CD247: variants seen among roughly 807,000 people sequenced by gnomAD.
The protein encoded by CD247 is T-cell surface glycoprotein CD3 zeta chain.
In CD247, 13 loss-of-function variants were observed where a neutral mutation model predicts 30.0. The ratio of observed to expected loss-of-function variants is 0.43; its 90% CI spans 0.28 to 0.69. The LOEUF is 0.69. Ranked by LOEUF, CD247 falls within the 30% of genes least tolerant of loss-of-function variation. The pLI, the probability that CD247 is intolerant of heterozygous loss-of-function variation, is 0.16. For synonymous variants in CD247, 72 were observed against 80.0 expected (o/e 0.90, Z 0.53); for missense variants, 193 against 212.6 (o/e 0.91, Z 0.57).
chr1:167,482,165 A>G (rs1254658790), intron 1 of CD247, among the ~76,000 whole-genome samples: 1 of 152,190 alleles, frequency 6.6e-6, no homozygotes, highest in Non-Finnish European at 1.5e-5. Context: ...ATGAACCCAC[A>G]GTAGGTTCAG....
intron 1 of CD247, among the ~76,000 whole-genome samples, chr1:167,515,004 C>G (rs35703593): frequency 0.049 from 7,454 of 152,234 alleles, 258 homozygotes; most frequent in Middle Eastern, 0.13. Flanking sequence ...GGTTATTCAC[C>G]TAAGCCAGAG....
At chr1:167,473,545 A>G (rs1055192433) in intron 1 of CD247, among the ~76,000 whole-genome samples, 31 of 152,126 alleles carry the variant, frequency 2.0e-4, no homozygotes, top group Non-Finnish European at 1.8e-4. Context: ...CCATTAGAAA[A>G]AAAAATGGGA....
At chr1:167,491,522 A>G (rs890897412) in intron 1 of CD247, among the ~76,000 whole-genome samples, 16 of 151,654 alleles carry the variant, frequency 1.1e-4, no homozygotes, top group Admixed American at 1.3e-4. Flanking sequence ...AGCCAAGATC[A>G]TGCCATTGCA....
chr1:167,513,280 A>G (rs1404850560), intron 1 of CD247, among the ~76,000 whole-genome samples: 1 of 151,912 alleles, frequency 6.6e-6, no homozygotes, highest in African/African-American at 2.4e-5. Context: ...TTTGATTATG[A>G]TATGACTTAT....
rs1332788751 is a variant in CD247 at position 167,431,537 on chromosome 1, C to T, written c.*144G>A. On this transcript the variant is annotated 3_prime_UTR_variant, in exon 8 of 8. Transcript: ENST00000362089. ...ACAGTCTGTGTGTGAAGGTTTGGAGCTAAATATAACCAAAGCATCCTGTAC... is the reference window on the plus strand; with the variant it reads ...ACAGTCTGTGTGTGAAGGTTTGGAGTTAAATATAACCAAAGCATCCTGTAC... The T allele has an allele frequency of 1.3e-6, 1 of 788,982 alleles. No homozygotes were observed. The highest frequency in any genetic ancestry group is 2.3e-6 in the Non-Finnish European group (1 of 437,224). The allele number at this position is 788,982 out of a possible 1,614,324, so 48.9% of individuals were successfully genotyped here.
At chr1:167,456,432 G>T (rs1353290692) in intron 1 of CD247, among the ~76,000 whole-genome samples, 1 of 152,192 alleles carries the variant, frequency 6.6e-6, no homozygotes, top group Non-Finnish European at 1.5e-5. Flanking sequence ...CAGATGCAGA[G>T]AATTTTGGAA....
chr1:167,474,987 G>A (rs2102054816), intron 1 of CD247, among the ~76,000 whole-genome samples: 1 of 151,774 alleles, frequency 6.6e-6, no homozygotes, highest in South Asian at 2.1e-4. Flanking sequence ...CCTGACCTCA[G>A]GTGATCCACC....
At chr1:167,490,200 T>C (rs1327473214) in intron 1 of CD247, among the ~76,000 whole-genome samples, 2 of 152,230 alleles carry the variant, frequency 1.3e-5, no homozygotes, top group Non-Finnish European at 2.9e-5. Flanking sequence ...TGGCCTCACA[T>C]TTCCAAAAGC....
chr1:167,510,514 C>A (rs553627888), intron 1 of CD247, among the ~76,000 whole-genome samples: 3 of 152,220 alleles, frequency 2.0e-5, no homozygotes, highest in Non-Finnish European at 4.4e-5. Flanking sequence ...CTGCAGCAGG[C>A]AGCTCAGGCC....
At chr1:167,452,211 G>A (rs533483469) in intron 1 of CD247, among the ~76,000 whole-genome samples, 39 of 150,984 alleles carry the variant, frequency 2.6e-4, no homozygotes, top group Non-Finnish European at 4.4e-4. Flanking sequence ...GGCAACAAGA[G>A]CGAAACTCCA....
At chr1:167,453,045 A>C (rs2102013592) in intron 1 of CD247, among the ~76,000 whole-genome samples, 1 of 148,320 alleles carries the variant, frequency 6.7e-6, no homozygotes, top group East Asian at 1.9e-4. Flanking sequence ...TTATATATAT[A>C]TATATTATAG....
intron 4 of CD247, 118 bp from the exon 5 acceptor site, chr1:167,435,552 C>G: frequency 3.6e-6 from 3 of 823,598 alleles, no homozygotes; most frequent in Non-Finnish European, 6.3e-6. Context: ...CCGTCTGCCT[C>G]TCTCCTCCCT....
At chr1:167,518,150 C>G (rs1027618718) in intron 1 of CD247, among the ~76,000 whole-genome samples, 4 of 152,172 alleles carry the variant, frequency 2.6e-5, no homozygotes, top group Admixed American at 6.5e-5. Flanking sequence ...TCCTTCCTCT[C>G]TTATCACTCG....
chr1:167,448,584 A>C, intron 1 of CD247: 5 of 948,278 alleles, frequency 5.3e-6, no homozygotes, highest in Non-Finnish European at 6.3e-6. Context: ...GAGATACCTC[A>C]ATCACCCTGA....
At chr1:167,507,222 ATTT>A (rs766016142) in intron 1 of CD247, among the ~76,000 whole-genome samples, 1 of 145,072 alleles carries the variant, frequency 6.9e-6, no homozygotes, top group African/African-American at 2.5e-5. Context: ...CCTGGCCTGA[ATTT>A]TTTTTTTTTT....
chr1:167,473,539 T>C (rs1558014738), intron 1 of CD247, among the ~76,000 whole-genome samples: 1 of 151,668 alleles, frequency 6.6e-6, no homozygotes, highest in African/African-American at 2.4e-5. Context: ...TTATTCCCAT[T>C]AGAAAAAAAA....
chr1:167,436,790 T>C (rs1651561628), intron 4 of CD247, among the ~76,000 whole-genome samples: 1 of 152,206 alleles, frequency 6.6e-6, no homozygotes, highest in South Asian at 2.1e-4. Flanking sequence ...CACCTCACAC[T>C]TGTTAGGGTG....
intron 1 of CD247, among the ~76,000 whole-genome samples, chr1:167,444,110 CT>C (rs1176568682): frequency 2.6e-5 from 4 of 152,184 alleles, no homozygotes. Context: ...CCTCAGTTAC[CT>C]CATCTATTAA....
intron 1 of CD247, among the ~76,000 whole-genome samples, chr1:167,480,147 T>G (rs1653919525): frequency 1.3e-5 from 2 of 151,996 alleles, no homozygotes; most frequent in South Asian, 2.1e-4. Flanking sequence ...GAGTTAAAGG[T>G]GATTTGTCAG....
Sources: gnomAD v4.1 joint callset for allele counts (sites outside exome capture counted in the v4.1 genomes callset) on GRCh38, gnomAD v4.1.1 for gene constraint, MANE v1.5 for transcripts, NCBI Gene and HGNC (gene_info 2026-07-23, HGNC 2026-07-21) for gene names.